Variants in FSCN2 observed in about 807,000 individuals in gnomAD.
FSCN2 encodes fascin-2.
A neutral mutation model predicts 37.8 loss-of-function variants in FSCN2; 46 were observed. The ratio of observed to expected loss-of-function variants is 1.22; its 90% confidence interval spans 0.96 to 1.56. FSCN2 has a LOEUF of 1.56. Ranked by LOEUF, FSCN2 falls within the 40% of genes most tolerant of loss-of-function variation. The probability of loss-of-function intolerance (pLI) is 0.00; values close to 1 mark genes in which losing one functional copy is unlikely to be tolerated. For synonymous variants in FSCN2, 351 were observed against 309.4 expected (o/e 1.13, Z -1.41); for missense variants, 844 against 730.4 (o/e 1.16, Z -1.79).
In FSCN2 at chr17:81,536,860, C is replaced by T. The variant is rs751590551; in HGVS notation, c.1274-15C>T. On this transcript the variant is annotated splice_polypyrimidine_tract_variant and intron_variant, in intron 4 of 4. Coordinates refer to ENST00000417245, the MANE Select transcript of FSCN2 (RefSeq NM_012418.4). ...GGCAGGTGGGCACCCCCGCCGACGC[C>T]GTCCCGTCCCCCAGGCCGCGACGGA... 9.6e-6 allele frequency: 15 copies of T among 1,557,920 alleles called. No individual in the cohort carries two copies. The highest frequency in any genetic ancestry group is 5.9e-5 in the South Asian group (5 of 85,150).
At chr17:81,519,891 T>TCTGCTCCCCTAGCAGATGGCCC in the FSCN2 span, among the ~76,000 whole-genome samples, 1 of 152,168 alleles carries the variant, frequency 6.6e-6, no homozygotes, top group Non-Finnish European at 1.5e-5. Context: ...TTTCCCGCAC[T>TCTGCTCCCCTAGCAGATGGCCC]CTGCTCCCCT....
the FSCN2 span, among the ~76,000 whole-genome samples, chr17:81,515,783 G>A: frequency 6.6e-6 from 1 of 152,252 alleles, no homozygotes; most frequent in Non-Finnish European, 1.5e-5. Flanking sequence ...GTGGGCATGG[G>A]TCCCCACCCC....
the FSCN2 span, among the ~76,000 whole-genome samples, chr17:81,519,457 C>G: frequency 2.0e-5 from 3 of 152,150 alleles, no homozygotes; most frequent in Non-Finnish European, 4.4e-5. Flanking sequence ...GAGATGGCGC[C>G]CGTGGAGTGG....
intron 1 of FSCN2, among the ~76,000 whole-genome samples, chr17:81,533,585 TTG>T (rs1263234857): frequency 2.6e-5 from 4 of 152,218 alleles, no homozygotes; most frequent in African/African-American, 7.2e-5. Flanking sequence ...CTGGCTCTGC[TTG>T]TGTCTTCATA....
In FSCN2 at chr17:81,531,180, ATGATGGTGG is replaced by A. The variant is rs879954358; in HGVS notation, c.826+1859_826+1867del. 1.4e-3 allele frequency among the ~76,000 whole-genome samples: 167 copies of A among 115,692 alleles called. 2 individuals are homozygous for A. In the Middle Eastern group the frequency reaches 0.018, roughly 12 times the overall value. 75.9% of individuals were successfully genotyped at this position (115,692 alleles called of 152,430 possible). On this transcript the variant is annotated intron_variant, in intron 1 of 4. Coordinates refer to ENST00000417245, the MANE Select transcript of FSCN2 (RefSeq NM_012418.4). Reference sequence around the variant, plus strand: ...GATGGTGATGATGGTGGTGATGGTGATGATGGTGGTGATGGTGGTGATGGTGGTGATGGT... The same window carrying A: ...GATGGTGATGATGGTGGTGATGGTGATGATGGTGGTGATGGTGGTGATGGT...
upstream of FSCN2, among the ~76,000 whole-genome samples, chr17:81,526,030 T>C (rs1281507061): frequency 6.6e-6 from 1 of 152,156 alleles, no homozygotes; most frequent in Non-Finnish European, 1.5e-5. Context: ...GCCCTAGAAC[T>C]GAGGAGCCGC....
intron 1 of FSCN2, among the ~76,000 whole-genome samples, chr17:81,531,579 A>ATAG (rs1568077704): frequency 3.0e-4 from 37 of 121,636 alleles, no homozygotes; most frequent in African/African-American, 1.0e-3. Flanking sequence ...AGTGATGGTG[A>ATAG]TGATGGTGAT....
chr17:81,518,025 G>T, the FSCN2 span, among the ~76,000 whole-genome samples: 2 of 152,082 alleles, frequency 1.3e-5, no homozygotes, highest in Non-Finnish European at 2.9e-5. Context: ...CTCGGCTTCC[G>T]CAATGAATCC....
At chr17:81,527,956 A>T (rs1231933906), upstream of FSCN2, among the ~76,000 whole-genome samples, 1 of 152,180 alleles carries the variant, frequency 6.6e-6, no homozygotes, top group Non-Finnish European at 1.5e-5. Flanking sequence ...GAGAAGCAGT[A>T]ACTGGATCCA....
intron 1 of FSCN2, among the ~76,000 whole-genome samples, chr17:81,532,223 GATGATAATGGTGA>G (rs2032685876): frequency 1.4e-5 from 2 of 148,114 alleles, no homozygotes; most frequent in African/African-American, 5.0e-5. Flanking sequence ...TGATGGTGAT[GATGATAATGGTGA>G]TGATGGTGAT....
At chr17:81,530,052 T>C (rs532974933) in intron 1 of FSCN2, 81 of 247,144 alleles carry the variant, frequency 3.3e-4, no homozygotes, top group Middle Eastern at 2.7e-3. Context: ...CCTTGTGATC[T>C]GTCCACCTCG....
Position 81,531,789 on chromosome 17 carries a change from GTGATGATGATAATGGTGA to G in FSCN2, c.826+2438_826+2455del, listed in dbSNP as rs1351769126. 1.6e-4 allele frequency among the ~76,000 whole-genome samples: 13 copies of G among 83,194 alleles called. 1 individual carries two copies. In the East Asian group the frequency reaches 8.5e-3, roughly 55 times the overall value. 54.6% of individuals were successfully genotyped at this position (83,194 alleles called of 152,430 possible). Reference sequence around the variant, plus strand: ...GGTGATGATAGTGATGGTGATGATGGTGATGATGATAATGGTGATGATGGTGGTGGTGATGGTGGTGGT... The same window carrying G: ...GGTGATGATAGTGATGGTGATGATGGTGATGGTGGTGGTGATGGTGGTGGT... On this transcript the variant is annotated intron_variant, in intron 1 of 4. Coordinates refer to ENST00000417245, the MANE Select transcript of FSCN2 (RefSeq NM_012418.4).
chr17:81,531,228 ATGGTGATGG>A (rs1598572847), intron 1 of FSCN2, among the ~76,000 whole-genome samples: 3 of 57,868 alleles, frequency 5.2e-5, no homozygotes, highest in Admixed American at 1.6e-4. Context: ...GATGGTGATA[ATGGTGATGG>A]TGGTGATGAT....
the FSCN2 span, among the ~76,000 whole-genome samples, chr17:81,521,517 G>A: frequency 1.3e-5 from 2 of 151,972 alleles, no homozygotes; most frequent in Non-Finnish European, 2.9e-5. Context: ...GACTACAGGT[G>A]TATGCCACCA....
chr17:81,515,448 C>T, the FSCN2 span, among the ~76,000 whole-genome samples: 1 of 152,232 alleles, frequency 6.6e-6, no homozygotes, highest in Non-Finnish European at 1.5e-5. Context: ...GACTTGGGGC[C>T]TGGAGAAGCG....
At chr17:81,531,501 A>ATGGTGGTGATGGTGG (rs2032597260) in intron 1 of FSCN2, among the ~76,000 whole-genome samples, 1 of 73,766 alleles carries the variant, frequency 1.4e-5, no homozygotes, top group Admixed American at 1.4e-4. Flanking sequence ...GGTGATGGTG[A>ATGGTGGTGATGGTGG]TGGTGGTGAT....
chr17:81,525,616 T>G (rs112468671), upstream of FSCN2, among the ~76,000 whole-genome samples: 2,629 of 151,816 alleles, frequency 0.017, 48 homozygotes, highest in Non-Finnish European at 0.022. Context: ...TCCCAGCAAC[T>G]CGGGAGGCCG....
At chr17:81,519,892 C>T in the FSCN2 span, among the ~76,000 whole-genome samples, 1 of 152,196 alleles carries the variant, frequency 6.6e-6, no homozygotes, top group African/African-American at 2.4e-5. Context: ...TTCCCGCACT[C>T]TGCTCCCCTA....
intron 2 of FSCN2, among the ~76,000 whole-genome samples, chr17:81,535,596 A>G (rs1210468165): frequency 8.0e-6 from 1 of 125,288 alleles, no homozygotes; most frequent in African/African-American, 3.0e-5. Flanking sequence ...TATCTCTACC[A>G]TGCCCATCAC....
Sources: allele counts gnomAD v4.1 joint callset (sites outside exome capture counted in the v4.1 genomes callset), GRCh38; gene constraint gnomAD v4.1.1; transcripts MANE v1.5; gene names NCBI Gene and HGNC (gene_info 2026-07-23, HGNC 2026-07-21).